NSDHL: variants seen among roughly 807,000 people sequenced by gnomAD.
The protein encoded by NSDHL is sterol-4-alpha-carboxylate 3-dehydrogenase, decarboxylating.
NSDHL carries 1 observed loss-of-function variant against 23.0 expected under a neutral mutation model. That is an observed-to-expected ratio of 0.04 (90% CI 0.02 to 0.21). The LOEUF is 0.21. Ranked by LOEUF, NSDHL falls within the 10% of genes least tolerant of loss-of-function variation. The pLI is 1.00. For synonymous variants in NSDHL, 128 were observed against 121.1 expected, an observed-to-expected ratio of 1.06 and a Z score of -0.37; for missense variants, 237 against 300.9, an observed-to-expected ratio of 0.79 and a Z score of 1.57.
intron 4 of NSDHL, among the ~76,000 whole-genome samples, chrX:152,859,871 C>T (rs1469073251): frequency 3.6e-5 from 4 of 112,045 alleles, no homozygotes; most frequent in Admixed American, 1.9e-4. Flanking sequence ...CCAATAGAAA[C>T]GTGTTATAAC....
At chrX:152,852,082 C>T (rs782320815) in intron 3 of NSDHL, among the ~76,000 whole-genome samples, 6 of 110,792 alleles carry the variant, frequency 5.4e-5, no homozygotes, top group Non-Finnish European at 1.1e-4. Context: ...TCAGCCTGTT[C>T]GTGCCTCACT....
intron 3 of NSDHL, among the ~76,000 whole-genome samples, chrX:152,855,993 T>C (rs782691080): frequency 1.7e-4 from 19 of 112,720 alleles, no homozygotes; most frequent in Non-Finnish European, 3.4e-4. Flanking sequence ...TTTAGCTCTC[T>C]TTTAATTTAC....
intron 1 of NSDHL, among the ~76,000 whole-genome samples, chrX:152,834,704 A>G (rs1218342888): frequency 8.9e-6 from 1 of 112,896 alleles, no homozygotes; most frequent in African/African-American, 3.2e-5. Context: ...AGTCCTGCAG[A>G]GGAGGCCAAG....
At chrX:152,841,621 C>T (rs868989196) in intron 1 of NSDHL, among the ~76,000 whole-genome samples, 3 of 112,055 alleles carry the variant, frequency 2.7e-5, no homozygotes, top group South Asian at 7.4e-4. Flanking sequence ...CAGTGTACAT[C>T]GTGGGTGCAC....
chrX:152,866,055 T>G, intron 6 of NSDHL, 94 bp downstream of exon 6: 1 of 974,299 alleles, frequency 1.0e-6, no homozygotes, highest in Non-Finnish European at 1.5e-6. Context: ...ATTGTAGCTC[T>G]TTTCTTATGT....
intron 3 of NSDHL, among the ~76,000 whole-genome samples, chrX:152,851,735 TGTG>T (rs1456960096): frequency 9.0e-6 from 1 of 110,760 alleles, no homozygotes; most frequent in African/African-American, 3.3e-5. Flanking sequence ...GTTCCCTCCT[TGTG>T]GTGGCCACCC....
At chrX:152,840,385 G>A (rs1370681000) in intron 1 of NSDHL, among the ~76,000 whole-genome samples, 3 of 112,233 alleles carry the variant, frequency 2.7e-5, no homozygotes, top group Non-Finnish European at 5.6e-5. Flanking sequence ...GAAGAGGCAC[G>A]CTGGTTTTTA....
intron 6 of NSDHL, among the ~76,000 whole-genome samples, chrX:152,867,026 G>A (rs148472125): frequency 0.014 from 1,591 of 111,731 alleles, 22 homozygotes; most frequent in African/African-American, 0.048. Context: ...TTTCTCCTCG[G>A]GTTAAGTGCA....
At chrX:152,838,858 A>AC (rs1302343741) in intron 1 of NSDHL, among the ~76,000 whole-genome samples, 3 of 111,153 alleles carry the variant, frequency 2.7e-5, no homozygotes, top group Non-Finnish European at 5.7e-5. Context: ...ATCCTTGTTA[A>AC]CCTTCTGTCT....
chrX:152,845,750 C>T (rs1933262069), intron 1 of NSDHL, among the ~76,000 whole-genome samples: 1 of 111,825 alleles, frequency 8.9e-6, no homozygotes, highest in Non-Finnish European at 1.9e-5. Flanking sequence ...CTCCACTCAT[C>T]CCCCGTCCCA....
intron 1 of NSDHL, among the ~76,000 whole-genome samples, chrX:152,838,807 A>G (rs782124127): frequency 5.3e-4 from 59 of 111,772 alleles, no homozygotes; most frequent in African/African-American, 1.7e-3. Flanking sequence ...GTAGATGTCT[A>G]TTAGGTCTGC....
chrX:152,852,458 C>T (rs1444106636), intron 3 of NSDHL, among the ~76,000 whole-genome samples: 3 of 111,143 alleles, frequency 2.7e-5, no homozygotes, highest in African/African-American at 9.8e-5. Flanking sequence ...CAAGGGTAAT[C>T]TCCTTACTTA....
intron 5 of NSDHL, among the ~76,000 whole-genome samples, chrX:152,864,071 C>T (rs1338644924): frequency 1.8e-5 from 2 of 111,566 alleles, no homozygotes; most frequent in Non-Finnish European, 3.8e-5. Flanking sequence ...GCCACCATGC[C>T]CGGCTAATTT....
At chrX:152,846,011 A>G (rs1477939199) in intron 1 of NSDHL, among the ~76,000 whole-genome samples, 1 of 112,893 alleles carries the variant, frequency 8.9e-6, no homozygotes, top group Non-Finnish European at 1.9e-5. Context: ...TGTCACTGAT[A>G]AGTGAGCTGA....
intron 1 of NSDHL, among the ~76,000 whole-genome samples, chrX:152,835,208 G>A (rs782120196): frequency 2.2e-4 from 24 of 110,658 alleles, no homozygotes; most frequent in African/African-American, 7.2e-4. Flanking sequence ...AGGAGCAAAC[G>A]TAAGGCCTCC....
intron 7 of NSDHL, 35 bp downstream of exon 7, chrX:152,867,708 C>A: frequency 1.0e-6 from 1 of 996,697 alleles, no homozygotes. Context: ...GCACAGGTGC[C>A]TTTCTGCGGG....
rs782499498 is a variant in NSDHL at position 152,865,005 on chromosome X, A to G, written c.544-814A>G. ...CAACTCACATGGGCCATCTCGTGTA[A>G]TTCGCATGCAGCCCCGTCAGGGTAG... On this transcript the variant is annotated intron_variant, in intron 5 of 7. Coordinates refer to ENST00000370274, the MANE Select transcript of NSDHL (RefSeq NM_015922.3). Among the ~76,000 whole-genome samples the G allele has an allele frequency of 5.3e-5, 6 of 112,572 alleles. 1 individual carries two copies. The Middle Eastern group carries it at 0.014, about 257-fold the overall frequency.
rs1556848454 is a variant in NSDHL, at chrX:152,868,837, C to A, written c.843C>A (p.Arg281=). The A allele has an allele frequency of 8.3e-7, 1 of 1,211,338 alleles. No individual in the cohort carries two copies. Among genetic ancestry groups the A allele is most frequent in the African/African-American group, 1.7e-5 (1 of 57,905 alleles). ...EPIPFWTFLS[R]ILTGLNYEAP... ...TCCCTTTCTGGACATTCCTGTCTCG[C>A]ATCCTGACAGGCCTCAATTATGAGG... is the stretch of plus-strand genomic sequence containing the variant. Residue 281 remains arginine, a synonymous_variant, in exon 8 of 8, where the codon CGC becomes CGA. Transcript: ENST00000370274.
chrX:152,862,491 C>T lies in NSDHL; in HGVS notation c.415-105C>T. On this transcript the variant is annotated intron_variant, in intron 4 of 7. Transcript: ENST00000370274. ...AATAATTTCTTCAGTGCCTCGAATG[C>T]GAGGGCAACAAAGGGATGCCCCTGA... 4 of 768,191 alleles carry T rather than the reference C, an allele frequency of 5.2e-6. No individual in the cohort carries two copies. In the Admixed American group the frequency reaches 6.8e-5, roughly 13 times the overall value. 63.3% of individuals were successfully genotyped at this position (768,191 alleles called of 1,213,427 possible).
Sources: gnomAD v4.1 joint callset for allele counts (sites outside exome capture counted in the v4.1 genomes callset) on GRCh38, gnomAD v4.1.1 for gene constraint, MANE v1.5 for transcripts, NCBI Gene and HGNC (gene_info 2026-07-23, HGNC 2026-07-21) for gene names.